MYBPC1: variants seen among roughly 807,000 people sequenced by gnomAD.
MYBPC1 encodes myosin-binding protein C, slow-type.
A neutral mutation model predicts 147.1 loss-of-function variants in MYBPC1; 52 were observed. The ratio of observed to expected loss-of-function variants is 0.35; its 90% CI spans 0.28 to 0.45. The LOEUF (loss-of-function observed/expected upper bound fraction) is 0.45. Ranked by LOEUF, MYBPC1 falls within the 20% of genes least tolerant of loss-of-function variation. MYBPC1 has a pLI of 1.00. For synonymous variants in MYBPC1, 477 were observed against 475.9 expected (o/e 1.00, Z -0.03); for missense variants, 1,228 against 1,440.3 (o/e 0.85, Z 2.39).
At chr12:101,677,571 T>A (rs557247921) in intron 27 of MYBPC1, among the ~76,000 whole-genome samples, 177 bp downstream of exon 27, 1 of 152,220 alleles carries the variant, frequency 6.6e-6, no homozygotes, top group Admixed American at 6.5e-5. Flanking sequence ...AGTGAAATTG[T>A]ATTATTATTG....
At position 101,652,798 on chromosome 12, in the gene MYBPC1, A is replaced by C; in HGVS notation, c.1633+14A>C. The C allele has an allele frequency of 3.8e-6, 6 of 1,586,958 alleles. No individual in the cohort carries two copies. Among genetic ancestry groups the C allele is most frequent in the Non-Finnish European group, 5.2e-6 (6 of 1,155,376 alleles). ...TTCATGTTATTGGTGAGTAGATAAAATAATTCATTGCATAGTTGTGTTCTT... is the reference window on the plus strand; with the variant it reads ...TTCATGTTATTGGTGAGTAGATAAACTAATTCATTGCATAGTTGTGTTCTT... On this transcript the variant is annotated intron_variant, in intron 17 of 31. Transcript: ENST00000361466.
At chr12:101,651,197 G>C in intron 15 of MYBPC1, 34 bp from the exon 16 acceptor site, 3 of 1,613,558 alleles carry the variant, frequency 1.9e-6, no homozygotes, top group Non-Finnish European at 2.5e-6. Context: ...GGGAGTTTGG[G>C]CTTGGCATTT....
At chr12:101,621,439 G>C (rs986710166) in intron 3 of MYBPC1, among the ~76,000 whole-genome samples, 1 of 152,212 alleles carries the variant, frequency 6.6e-6, no homozygotes, top group South Asian at 2.1e-4. Flanking sequence ...TAAATTAACC[G>C]AATGCCTCAA....
intron 15 of MYBPC1, 33 bp from the exon 16 acceptor site, chr12:101,651,198 C>T (rs1443176133): frequency 6.2e-7 from 1 of 1,613,610 alleles, no homozygotes; most frequent in South Asian, 1.1e-5. Context: ...GGAGTTTGGG[C>T]TTGGCATTTG....
chr12:101,658,078 C>G (rs908886561), intron 18 of MYBPC1, among the ~76,000 whole-genome samples: 1 of 149,400 alleles, frequency 6.7e-6, no homozygotes, highest in African/African-American at 2.5e-5. Flanking sequence ...TTGCAGTGAG[C>G]CGAGATCGCG....
At chr12:101,599,795 G>A (rs1211072945) in intron 1 of MYBPC1, among the ~76,000 whole-genome samples, 1 of 152,128 alleles carries the variant, frequency 6.6e-6, no homozygotes, top group Non-Finnish European at 1.5e-5. Context: ...TAAAGAAGTT[G>A]TATGAACGAA....
At chr12:101,682,460 T>C in intron 29 of MYBPC1, 144 bp from the exon 30 acceptor site, 1 of 700,308 alleles carries the variant, frequency 1.4e-6, no homozygotes, top group Admixed American at 2.4e-5. Context: ...TAAAAGCTTT[T>C]GGTCCTAAAA....
intron 24 of MYBPC1, among the ~76,000 whole-genome samples, chr12:101,671,499 C>T (rs1264692760): frequency 2.0e-5 from 3 of 152,158 alleles, no homozygotes; most frequent in Non-Finnish European, 2.9e-5. Context: ...TACATACCCC[C>T]GGCATGAAAT....
chr12:101,650,059 G>T lies in MYBPC1; in HGVS notation c.1363+633G>T, dbSNP rs559769960. Among the ~76,000 whole-genome samples the T allele has an allele frequency of 1.1e-4, 16 of 152,262 alleles. No individual in the cohort carries two copies. In the East Asian group the frequency reaches 1.9e-3, roughly 18 times the overall value. On this transcript the variant is annotated intron_variant, in intron 15 of 31. Coordinates refer to ENST00000361466, the MANE Select transcript of MYBPC1 (RefSeq NM_002465.4). Reference sequence around the variant, plus strand: ...TTCATATAATCATTGAATTATTCAGGATCAATCCCAATACATTCCTTATGC... The same window carrying T: ...TTCATATAATCATTGAATTATTCAGTATCAATCCCAATACATTCCTTATGC...
intron 1 of MYBPC1, among the ~76,000 whole-genome samples, chr12:101,610,473 T>C (rs139529665): frequency 6.6e-5 from 10 of 152,028 alleles, no homozygotes; most frequent in African/African-American, 2.4e-4. Context: ...AAATAAGGCA[T>C]ATCCTTAGCA....
chr12:101,662,791 T>C (rs1896788059), intron 21 of MYBPC1, among the ~76,000 whole-genome samples: 1 of 152,228 alleles, frequency 6.6e-6, no homozygotes, highest in Non-Finnish European at 1.5e-5. Flanking sequence ...TGTGGGTGGC[T>C]CTGATTGCCA....
intron 13 of MYBPC1, among the ~76,000 whole-genome samples, chr12:101,647,358 G>C (rs2136239728): frequency 6.6e-6 from 1 of 152,222 alleles, no homozygotes; most frequent in South Asian, 2.1e-4. Context: ...TGAGATCTCT[G>C]TCATCCATCT....
At chr12:101,600,935 T>C (rs574759097) in intron 1 of MYBPC1, among the ~76,000 whole-genome samples, 1 of 152,332 alleles carries the variant, frequency 6.6e-6, no homozygotes, top group East Asian at 1.9e-4. Flanking sequence ...ACATCTTCTT[T>C]GTTATTATTC....
intron 18 of MYBPC1, among the ~76,000 whole-genome samples, chr12:101,657,044 A>T (rs953695725): frequency 1.3e-5 from 2 of 152,220 alleles, no homozygotes; most frequent in South Asian, 4.1e-4. Flanking sequence ...TAAATTACAG[A>T]AGTGAAACTA....
chr12:101,631,253 T>C (rs972314828), intron 6 of MYBPC1, among the ~76,000 whole-genome samples: 1 of 152,158 alleles, frequency 6.6e-6, no homozygotes, highest in Non-Finnish European at 1.5e-5. Context: ...AGTTCACATA[T>C]ATCATACATA....
intron 3 of MYBPC1, among the ~76,000 whole-genome samples, chr12:101,618,894 T>C (rs1886767111): frequency 6.7e-6 from 1 of 149,700 alleles, no homozygotes; most frequent in Admixed American, 6.7e-5. Context: ...TGTGTGTGTG[T>C]CTGTATATAT....
intron 1 of MYBPC1, among the ~76,000 whole-genome samples, chr12:101,612,319 T>C (rs1322306615): frequency 6.6e-6 from 1 of 152,144 alleles, no homozygotes; most frequent in Admixed American, 6.6e-5. Flanking sequence ...GAATTGCCCA[T>C]GATTGCACAA....
chr12:101,662,019 C>A (rs1218237609), intron 20 of MYBPC1, among the ~76,000 whole-genome samples: 5 of 151,988 alleles, frequency 3.3e-5, no homozygotes, highest in African/African-American at 1.2e-4. Flanking sequence ...TCATTTCCCT[C>A]TTCTTATCTT....
intron 29 of MYBPC1, 74 bp downstream of exon 29, chr12:101,680,603 G>A (rs1458631523): frequency 1.3e-5 from 20 of 1,573,644 alleles, no homozygotes; most frequent in Non-Finnish European, 1.7e-5. Context: ...AATGCTTATT[G>A]TTCTTAATCC....
Sources: gnomAD v4.1 joint callset for allele counts (sites outside exome capture counted in the v4.1 genomes callset) on GRCh38, gnomAD v4.1.1 for gene constraint, MANE v1.5 for transcripts, NCBI Gene and HGNC (gene_info 2026-07-23, HGNC 2026-07-21) for gene names.